The following UBAP1 variants were observed in gnomAD, a reference collection of about 807,000 sequenced individuals.
The protein encoded by UBAP1 is ubiquitin associated protein 1, also known as ubiquitin-associated protein 1.
A neutral mutation model predicts 39.0 loss-of-function variants in UBAP1; 5 were observed. That is an observed-to-expected ratio of 0.13 (90% CI 0.07 to 0.27). The LOEUF is 0.27. Ranked by LOEUF, UBAP1 falls within the 10% of genes least tolerant of loss-of-function variation. The probability of loss-of-function intolerance (pLI) is 1.00; values close to 1 mark genes in which losing one functional copy is unlikely to be tolerated. For synonymous variants in UBAP1, 211 were observed against 225.1 expected (o/e 0.94, Z 0.56); for missense variants, 490 against 608.1 (o/e 0.81, Z 2.04).
At chr9:34,224,556 G>A (rs1832948420) in intron 2 of UBAP1, 3 of 443,130 alleles carry the variant, frequency 6.8e-6, no homozygotes, top group East Asian at 4.7e-5. Context: ...TCATACTTCC[G>A]CTTCTTGTGG....
At chr9:34,204,171 A>C (rs1831551742) in intron 1 of UBAP1, among the ~76,000 whole-genome samples, 1 of 152,190 alleles carries the variant, frequency 6.6e-6, no homozygotes, top group African/African-American at 2.4e-5. Context: ...TACTAAAAAT[A>C]CAAAAATTAG....
chr9:34,218,429 A>G (rs1366151654), intron 1 of UBAP1, among the ~76,000 whole-genome samples: 4 of 152,128 alleles, frequency 2.6e-5, no homozygotes, highest in East Asian at 3.8e-4. Flanking sequence ...CCTCAACAAC[A>G]GTTGCTTCTT....
In UBAP1 at chr9:34,249,781, C is replaced by T. The variant is rs772817588; in HGVS notation, c.1086C>T (p.Val362=). The change falls in exon 5 of 7, where the codon GTC becomes GTT. Residue 362 remains valine (V), a splice_region_variant and synonymous_variant. Coordinates refer to ENST00000297661, the MANE Select transcript of UBAP1 (RefSeq NM_016525.5). ...TAATCTTCTTGTTTTTCCACTAGGT[C>T]ACCCCTCCTAATTTCTCAGTGTCAC... ...ESSPPNTGPT[V]TPPNFSVSQV... is the part of the protein sequence containing the mutation. 2 of 1,613,640 alleles carry T rather than the reference C, an allele frequency of 1.2e-6. No homozygotes were observed. The highest frequency in any genetic ancestry group is 1.7e-6 in the Non-Finnish European group (2 of 1,179,636).
In UBAP1 at chr9:34,188,423, CTTTT is replaced by C. The variant is rs34942688; in HGVS notation, c.-8+9204_-8+9207del. On this transcript the variant is annotated intron_variant, in intron 1 of 6. Transcript: ENST00000297661. ...TTTGAATGCTAAACTTAGTCTTCAG[CTTTT>C]TTTTTTTTTTTTTTTTTTTTAAAGA... 5.5e-3 allele frequency among the ~76,000 whole-genome samples: 640 copies of C among 117,192 alleles called. 1 individual carries two copies. In the Middle Eastern group the frequency reaches 0.064, roughly 12 times the overall value. 76.9% of individuals were successfully genotyped at this position (117,192 alleles called of 152,430 possible).
chr9:34,233,777 CTGAGAGGGTAACATT>C (rs1254379707), intron 2 of UBAP1, among the ~76,000 whole-genome samples: 2 of 152,100 alleles, frequency 1.3e-5, no homozygotes, highest in African/African-American at 4.8e-5. Flanking sequence ...GTAAGCCTCA[CTGAGAGGGTAACATT>C]TGAGCAAAAA....
intron 1 of UBAP1, among the ~76,000 whole-genome samples, chr9:34,193,752 TG>T (rs1312313894): frequency 3.9e-5 from 6 of 152,156 alleles, no homozygotes; most frequent in Non-Finnish European, 8.8e-5. Context: ...ATACCCTTCT[TG>T]GGGCACCACC....
intron 4 of UBAP1, among the ~76,000 whole-genome samples, chr9:34,249,231 G>A (rs569340524): frequency 6.1e-4 from 93 of 152,146 alleles, no homozygotes; most frequent in Non-Finnish European, 9.4e-4. Flanking sequence ...AAAACCCTGG[G>A]TTCCTGAGCT....
chr9:34,239,659 G>C (rs1833865848), intron 3 of UBAP1, among the ~76,000 whole-genome samples: 1 of 152,160 alleles, frequency 6.6e-6, no homozygotes, highest in Non-Finnish European at 1.5e-5. Context: ...GAATTGACCT[G>C]TAATAGCTAT....
chr9:34,182,703 TTCTTTCTCTC>T (rs1199109643), intron 1 of UBAP1, among the ~76,000 whole-genome samples: 7 of 144,866 alleles, frequency 4.8e-5, no homozygotes, highest in East Asian at 2.3e-4. Context: ...TTCTTTTCTT[TTCTTTCTCTC>T]TCTTTCTCTC....
intron 1 of UBAP1, among the ~76,000 whole-genome samples, chr9:34,217,608 G>A (rs959568790): frequency 6.6e-6 from 1 of 150,538 alleles, no homozygotes; most frequent in East Asian, 1.9e-4. Flanking sequence ...GGGGGCACAT[G>A]TGCGGTTTGT....
chr9:34,241,822 T>C lies in UBAP1; in HGVS notation c.797T>C (p.Leu266Pro). The C allele has an allele frequency of 6.2e-7, 1 of 1,614,160 alleles. No homozygotes were observed. Among genetic ancestry groups the C allele is most frequent in the South Asian group, 1.1e-5 (1 of 91,084 alleles). ...PIPAVSNIKSLSFPKLDSDDS... is the reference protein window; with the variant it reads ...PIPAVSNIKSPSFPKLDSDDS... ...CCTGCAGTAAGCAATATCAAATCCC[T>C]GTCTTTCCCCAAACTTGACTCTGAT... Residue 266 changes from leucine to proline, a missense_variant, in exon 4 of 7, where the codon CTG becomes CCG. Leu to Pro is a moderately conservative substitution (Grantham distance 98). This residue lies in a region of UBAP1 where 339 missense variants were observed against 390.0 expected (regional missense o/e 0.87). Transcript: ENST00000297661.
intron 1 of UBAP1, among the ~76,000 whole-genome samples, chr9:34,189,080 C>A (rs1019810257): frequency 6.6e-6 from 1 of 152,022 alleles, no homozygotes; most frequent in Non-Finnish European, 1.5e-5. Context: ...TCTTCCTAAT[C>A]CTAAAATCTT....
intron 1 of UBAP1, among the ~76,000 whole-genome samples, chr9:34,188,565 T>C (rs10814077): frequency 0.55 from 83,218 of 151,526 alleles, 23,785 homozygotes; most frequent in East Asian, 0.89. Flanking sequence ...CCATGCCTGG[T>C]GCTTTCAGCT....
At chr9:34,231,737 C>T (rs1241853527) in intron 2 of UBAP1, among the ~76,000 whole-genome samples, 7 of 152,128 alleles carry the variant, frequency 4.6e-5, no homozygotes, top group Non-Finnish European at 7.4e-5. Flanking sequence ...CTCCGCCTCC[C>T]GGGTTCACGA....
chr9:34,218,832 G>A (rs1005474141), intron 1 of UBAP1, among the ~76,000 whole-genome samples: 1 of 152,100 alleles, frequency 6.6e-6, no homozygotes, highest in South Asian at 2.1e-4. Flanking sequence ...GCTACTCAGG[G>A]AAGCTGAGGC....
intron 1 of UBAP1, among the ~76,000 whole-genome samples, chr9:34,202,378 C>T (rs998220912): frequency 9.9e-5 from 15 of 151,978 alleles, no homozygotes; most frequent in African/African-American, 3.6e-4. Flanking sequence ...GTGATCCTCC[C>T]GCCTCAGCCT....
At chr9:34,183,569 C>A (rs200465062) in intron 1 of UBAP1, among the ~76,000 whole-genome samples, 161 of 131,390 alleles carry the variant, frequency 1.2e-3, no homozygotes, top group East Asian at 5.3e-3. Flanking sequence ...AAAAAAAAAA[C>A]ATTAAATAAA....
intron 1 of UBAP1, among the ~76,000 whole-genome samples, chr9:34,186,682 C>T (rs1371822157): frequency 4.0e-5 from 6 of 151,736 alleles, no homozygotes; most frequent in African/African-American, 1.2e-4. Flanking sequence ...TATTCAATTT[C>T]GTTGCCTATT....
chr9:34,243,914 A>C (rs961856789), intron 4 of UBAP1, among the ~76,000 whole-genome samples: 15 of 151,960 alleles, frequency 9.9e-5, no homozygotes, highest in African/African-American at 2.9e-4. Flanking sequence ...CAGTGGCGTG[A>C]TTTTGGCTCA....
Sources: gnomAD v4.1 joint callset for allele counts (sites outside exome capture counted in the v4.1 genomes callset) on GRCh38, gnomAD v4.1.1 for gene constraint, gnomAD v4.1.1 regional missense constraint, MANE v1.5 for transcripts, NCBI Gene and HGNC (gene_info 2026-07-23, HGNC 2026-07-21) for gene names.